Variants in PPP2R3A observed in about 807,000 individuals in gnomAD.
PPP2R3A encodes protein phosphatase 2 regulatory subunit B''alpha.
A neutral mutation model predicts 106.9 loss-of-function variants in PPP2R3A; 80 were observed. The observed-to-expected ratio is 0.75, with a 90% CI of 0.62 to 0.90. The LOEUF is 0.90. Among genes scored for constraint, PPP2R3A ranks in the 40% least tolerant of loss-of-function variants. The pLI, the probability that PPP2R3A is intolerant of heterozygous loss-of-function variation, is 0.00. For missense variants in PPP2R3A, 1,386 were observed against 1,350.4 expected (o/e 1.03, Z -0.41); for synonymous variants, 483 against 468.3 (o/e 1.03, Z -0.41).
rs1306412067 is a variant in PPP2R3A at position 136,102,067 on chromosome 3, G to C, written c.2988G>C (p.Glu996Asp). ...GAGACGGTGTACTCTCCATGTATGA[G>C]CTGGAGTACTTCTATGAGGAGCAGT... is the stretch of plus-strand genomic sequence containing the variant. Reference protein sequence around the residue: ...VDGDGVLSMYELEYFYEEQCE... With the variant: ...VDGDGVLSMYDLEYFYEEQCE... The change falls in exon 11 of 14, where the codon GAG becomes GAC. Residue 996 changes from glutamate (E) to aspartate (D), a missense_variant. Coordinates refer to ENST00000264977, the MANE Select transcript of PPP2R3A (RefSeq NM_002718.5). 2.5e-6 allele frequency: 4 copies of C among 1,614,070 alleles called. No individual in the cohort carries two copies. In the East Asian group the frequency reaches 8.9e-5, roughly 36 times the overall value.
At chr3:136,113,391 G>C (rs1378174777) in intron 13 of PPP2R3A, among the ~76,000 whole-genome samples, 1 of 152,132 alleles carries the variant, frequency 6.6e-6, no homozygotes, top group Non-Finnish European at 1.5e-5. Flanking sequence ...AATGAGGAAA[G>C]AACTCCCTAT....
intron 2 of PPP2R3A, among the ~76,000 whole-genome samples, chr3:136,010,496 G>A (rs1303503185): frequency 4.4e-5 from 6 of 135,904 alleles, no homozygotes; most frequent in East Asian, 2.1e-4. Flanking sequence ...GCGGGATCTC[G>A]GCTCACTGCA....
chr3:136,137,534 ATT>A lies in PPP2R3A; in HGVS notation c.3330-7485_3330-7484del, dbSNP rs59086929. On this transcript the variant is annotated intron_variant, in intron 13 of 13. Transcript: ENST00000264977. ...AAATATATGAATTACTCTGTCAGAG[ATT>A]TTTTTTTTTTTTTTTTTTTTTTTGA... Among the ~76,000 whole-genome samples, 187 of 40,512 alleles carry A rather than the reference ATT, an allele frequency of 4.6e-3. 1 individual carries two copies. The East Asian group carries it at 0.073, about 16-fold the overall frequency. 26.6% of individuals were successfully genotyped at this position (40,512 alleles called of 152,430 possible). A position where few individuals can be genotyped will look rare whatever the true frequency, so the allele number is the denominator to read the frequency against.
chr3:136,145,361 A>G lies in PPP2R3A; in HGVS notation c.*195A>G. 3 of 544,196 alleles carry G rather than the reference A, an allele frequency of 5.5e-6. No homozygotes were observed. Among genetic ancestry groups the G allele is most frequent in the Non-Finnish European group, 8.7e-6 (3 of 343,668 alleles). The allele number at this position is 544,196 out of a possible 1,614,324, so 33.7% of individuals were successfully genotyped here. A position where few individuals can be genotyped will look rare whatever the true frequency, so the allele number is the denominator to read the frequency against. Reference sequence around the variant, plus strand: ...AGGAGGCTCCTCCAATTTGCCTCAAACCTCTTACGGAGCTTCTCCTCAGAA... The same window carrying G: ...AGGAGGCTCCTCCAATTTGCCTCAAGCCTCTTACGGAGCTTCTCCTCAGAA... On this transcript the variant is annotated 3_prime_UTR_variant, in exon 14 of 14. Coordinates refer to ENST00000264977, the MANE Select transcript of PPP2R3A (RefSeq NM_002718.5).
intron 1 of PPP2R3A, among the ~76,000 whole-genome samples, chr3:135,999,643 A>G (rs574291963): frequency 3.3e-5 from 5 of 152,092 alleles, no homozygotes; most frequent in African/African-American, 9.6e-5. Flanking sequence ...TCTGCTGTTG[A>G]TGTCCTTTCA....
chr3:136,035,431 G>A (rs1935052996), intron 3 of PPP2R3A, among the ~76,000 whole-genome samples: 2 of 152,106 alleles, frequency 1.3e-5, no homozygotes, highest in East Asian at 1.9e-4. Flanking sequence ...TGGTAGTGGC[G>A]AATTCTCTCA....
At chr3:135,987,341 A>G (rs1033696863) in intron 1 of PPP2R3A, among the ~76,000 whole-genome samples, 2 of 152,248 alleles carry the variant, frequency 1.3e-5, no homozygotes, top group Admixed American at 6.5e-5. Context: ...TCCTAGGGCA[A>G]TATGAAGAGG....
chr3:136,095,666 A>G (rs1438643775), intron 10 of PPP2R3A, among the ~76,000 whole-genome samples: 1 of 152,166 alleles, frequency 6.6e-6, no homozygotes, highest in South Asian at 2.1e-4. Context: ...TTTTTGTGTC[A>G]TGAAATTGCT....
rs1933710322 is a variant in PPP2R3A, at chr3:136,003,194, A to G, written c.1696A>G (p.Lys566Glu). 6.2e-7 allele frequency: 1 copy of G among 1,613,830 alleles called. No homozygotes were observed. Among genetic ancestry groups the G allele is most frequent in the African/African-American group, 1.3e-5 (1 of 74,902 alleles). ...ATCTAAAGTCTCTTCACCCATAGAAAAAGTCTCACCTTCCTGTCTAACAAG... is the reference window on the plus strand; with the variant it reads ...ATCTAAAGTCTCTTCACCCATAGAAGAAGTCTCACCTTCCTGTCTAACAAG... Reference protein sequence around the residue: ...PKSKVSSPIEKVSPSCLTRII... With the variant: ...PKSKVSSPIEEVSPSCLTRII... Residue 566 changes from lysine to glutamate, a missense_variant, in exon 2 of 14, where the codon AAA (lysine) becomes GAA (glutamate). Lys to Glu is a moderately conservative substitution (Grantham distance 56). Coordinates refer to ENST00000264977, the MANE Select transcript of PPP2R3A (RefSeq NM_002718.5).
intron 5 of PPP2R3A, among the ~76,000 whole-genome samples, chr3:136,068,568 T>C (rs1401175191): frequency 5.9e-5 from 9 of 152,152 alleles, no homozygotes; most frequent in Admixed American, 1.3e-4. Context: ...CTCTTCCTTA[T>C]AGAAGATTTC....
At chr3:136,017,893 C>A (rs1437981483) in intron 2 of PPP2R3A, among the ~76,000 whole-genome samples, 1 of 152,220 alleles carries the variant, frequency 6.6e-6, no homozygotes, top group Non-Finnish European at 1.5e-5. Flanking sequence ...TACTCTAAGG[C>A]CTTAGCTGAT....
At chr3:136,093,330 G>A (rs1937137599) in intron 10 of PPP2R3A, among the ~76,000 whole-genome samples, 1 of 152,140 alleles carries the variant, frequency 6.6e-6, no homozygotes, top group Admixed American at 6.5e-5. Flanking sequence ...GATCACTTGA[G>A]CCTGGGAGGC....
intron 4 of PPP2R3A, among the ~76,000 whole-genome samples, chr3:136,043,623 A>AT (rs1394468825): frequency 6.6e-6 from 1 of 152,146 alleles, no homozygotes; most frequent in Non-Finnish European, 1.5e-5. Flanking sequence ...TAGTCAGGAC[A>AT]TTTTTAGGAG....
intron 2 of PPP2R3A, chr3:136,022,826 T>G: frequency 1.6e-6 from 2 of 1,282,192 alleles, no homozygotes; most frequent in Non-Finnish European, 2.0e-6. Flanking sequence ...CAGGCTGTGT[T>G]TATAACTTGA....
At chr3:136,048,582 GA>G (rs1419534696) in intron 4 of PPP2R3A, among the ~76,000 whole-genome samples, 5 of 151,772 alleles carry the variant, frequency 3.3e-5, no homozygotes, top group Non-Finnish European at 7.4e-5. Flanking sequence ...TGAGGCAGGA[GA>G]ATTGGTTGAA....
chr3:135,996,146 A>G (rs1576420038), intron 1 of PPP2R3A, among the ~76,000 whole-genome samples: 1 of 152,184 alleles, frequency 6.6e-6, no homozygotes, highest in Non-Finnish European at 1.5e-5. Context: ...TTTCCATTTA[A>G]GTGATGTTAA....
intron 2 of PPP2R3A, among the ~76,000 whole-genome samples, chr3:136,011,030 C>T (rs1259127523): frequency 1.3e-5 from 2 of 152,144 alleles, no homozygotes; most frequent in Non-Finnish European, 2.9e-5. Context: ...CTCTAGCCCT[C>T]CTCTTTCTAA....
chr3:136,049,464 G>C, intron 5 of PPP2R3A, 103 bp downstream of exon 5: 1 of 753,678 alleles, frequency 1.3e-6, no homozygotes, highest in Non-Finnish European at 2.2e-6. Flanking sequence ...CACAGATCTA[G>C]ATATCAGATT....
intron 1 of PPP2R3A, among the ~76,000 whole-genome samples, chr3:135,996,094 T>C (rs1224567295): frequency 6.6e-6 from 1 of 152,200 alleles, no homozygotes; most frequent in African/African-American, 2.4e-5. Context: ...CAGTTCTGCC[T>C]GACCAATAGG....
Sources: gnomAD v4.1 joint callset for allele counts (sites outside exome capture counted in the v4.1 genomes callset) on GRCh38, gnomAD v4.1.1 for gene constraint, MANE v1.5 for transcripts, NCBI Gene and HGNC (gene_info 2026-07-23, HGNC 2026-07-21) for gene names.